Variants in GPR149 observed in about 807,000 individuals in gnomAD.
GPR149 encodes the protein probable G protein-coupled receptor 149.
A neutral mutation model predicts 50.2 loss-of-function variants in GPR149; 50 were observed. That is an observed-to-expected ratio of 1.00 (90% CI 0.79 to 1.26). GPR149 has a LOEUF of 1.26. GPR149 is among the 50% of genes most tolerant of loss of function. The pLI is 0.00. For synonymous variants in GPR149, 405 were observed against 358.2 expected (o/e 1.13, Z -1.48); for missense variants, 983 against 895.4 (o/e 1.10, Z -1.25).
chr3:154,389,340 G>A (rs1372188514), intron 3 of GPR149, among the ~76,000 whole-genome samples: 1 of 152,106 alleles, frequency 6.6e-6, no homozygotes, highest in Non-Finnish European at 1.5e-5. Context: ...AGAGAGACAA[G>A]GACACCCTCT....
chr3:154,391,301 C>T (rs527758092), intron 3 of GPR149, among the ~76,000 whole-genome samples: 3 of 146,308 alleles, frequency 2.1e-5, no homozygotes, highest in East Asian at 2.0e-4. Context: ...AAGAACATAA[C>T]GTGTGTGGGG....
At chr3:154,353,941 T>G in intron 3 of GPR149, 1 of 506,798 alleles carries the variant, frequency 2.0e-6, no homozygotes, top group African/African-American at 2.0e-5. Context: ...TCTGTTCACA[T>G]GTTAAGGTCT....
At chr3:154,347,221 A>G (rs1328828943) in intron 3 of GPR149, among the ~76,000 whole-genome samples, 2 of 152,192 alleles carry the variant, frequency 1.3e-5, no homozygotes, top group Non-Finnish European at 2.9e-5. Context: ...CCATGCTGCT[A>G]ATAAAGACAC....
At chr3:154,393,723 C>T (rs1279946690) in intron 3 of GPR149, among the ~76,000 whole-genome samples, 3 of 151,840 alleles carry the variant, frequency 2.0e-5, no homozygotes, top group East Asian at 3.9e-4. Flanking sequence ...CTCAGTAATA[C>T]AGCAGGATAC....
At chr3:154,384,376 T>G (rs1715002175) in intron 3 of GPR149, among the ~76,000 whole-genome samples, 1 of 152,168 alleles carries the variant, frequency 6.6e-6, no homozygotes, top group African/African-American at 2.4e-5. Flanking sequence ...ATAATCAAGG[T>G]ACATACCTCT....
intron 3 of GPR149, among the ~76,000 whole-genome samples, chr3:154,362,341 A>T (rs1198908743): frequency 6.6e-6 from 1 of 151,686 alleles, no homozygotes; most frequent in East Asian, 1.9e-4. Flanking sequence ...TGGAGCAAAC[A>T]CTTTCTTGGT....
At chr3:154,378,808 G>A (rs1221570245) in intron 3 of GPR149, among the ~76,000 whole-genome samples, 1 of 152,116 alleles carries the variant, frequency 6.6e-6, no homozygotes, top group African/African-American at 2.4e-5. Context: ...TTTGTCTAAT[G>A]ATTTTGAGGA....
At chr3:154,414,325 AT>A (rs1342482939) in intron 3 of GPR149, among the ~76,000 whole-genome samples, 1 of 152,062 alleles carries the variant, frequency 6.6e-6, no homozygotes, top group African/African-American at 2.4e-5. Flanking sequence ...AAACAAAAAA[AT>A]AAATAAAATG....
In GPR149 at chr3:154,429,458, TA is replaced by T; in HGVS notation, c.157del (p.Tyr53IlefsTer3). 6.2e-7 allele frequency: 1 copy of T among 1,614,078 alleles called. No homozygotes were observed. The highest frequency in any genetic ancestry group is 8.5e-7 in the Non-Finnish European group (1 of 1,180,012). ...MTFAALVGSIYSLISLLKMQN... is the reference protein window; with the variant it reads ...MTFAALVGSIXSLISLLKMQN... Reference sequence around the variant, plus strand: ...CATTTTCAGCAGGGAAATTAGTGAATAAATGCTGCCCACCAAGGCTGCAAAA... The same window carrying T: ...CATTTTCAGCAGGGAAATTAGTGAATAATGCTGCCCACCAAGGCTGCAAAA... On this transcript the variant is annotated frameshift_variant, in exon 1 of 4. Coordinates refer to ENST00000389740, the MANE Select transcript of GPR149 (RefSeq NM_001038705.3). LOFTEE classifies it high-confidence loss of function.
chr3:154,403,320 C>T (rs756050414), intron 3 of GPR149, among the ~76,000 whole-genome samples: 11 of 152,250 alleles, frequency 7.2e-5, no homozygotes, highest in Middle Eastern at 6.8e-3. Context: ...AGAGATAAGA[C>T]ATAATTGGGT....
intron 3 of GPR149, among the ~76,000 whole-genome samples, chr3:154,417,037 T>C (rs1263754537): frequency 6.6e-6 from 1 of 151,694 alleles, no homozygotes; most frequent in Non-Finnish European, 1.5e-5. Context: ...GAAAATAGAG[T>C]GATCACCCAC....
chr3:154,396,773 G>A (rs1308384338), intron 3 of GPR149, among the ~76,000 whole-genome samples: 2 of 151,762 alleles, frequency 1.3e-5, no homozygotes, highest in Non-Finnish European at 2.9e-5. Flanking sequence ...TAACACTTTA[G>A]CTCTTCATGA....
intron 3 of GPR149, among the ~76,000 whole-genome samples, chr3:154,343,536 GGT>G (rs930566335): frequency 2.6e-5 from 4 of 152,026 alleles, no homozygotes; most frequent in African/African-American, 9.7e-5. Flanking sequence ...TATGTGTTGG[GGT>G]TTGTTCTATT....
chr3:154,357,617 G>T (rs1423885567), intron 3 of GPR149, among the ~76,000 whole-genome samples: 1 of 152,070 alleles, frequency 6.6e-6, no homozygotes, highest in Non-Finnish European at 1.5e-5. Context: ...TTAGAATGGC[G>T]ATCATTAAAA....
In GPR149 at chr3:154,356,846, G is replaced by T. The variant is rs940633933; in HGVS notation, c.1624-18575C>A. ...GAAAAAACTACTTTAAAGTTCATAT[G>T]GAACCAAAAAAGGGCCCGCATCGCC... On this transcript the variant is annotated intron_variant, in intron 3 of 3. Coordinates refer to ENST00000389740, the MANE Select transcript of GPR149 (RefSeq NM_001038705.3). Among the ~76,000 whole-genome samples, 4 of 152,140 alleles carry T rather than the reference G, an allele frequency of 2.6e-5. No individual in the cohort carries two copies. In the East Asian group the frequency reaches 5.8e-4, roughly 22 times the overall value.
intron 3 of GPR149, chr3:154,353,670 TC>T: frequency 7.4e-7 from 1 of 1,357,076 alleles, no homozygotes; most frequent in Admixed American, 1.7e-5. Context: ...GTTTGCCAGT[TC>T]CCTTGCTGGA....
At chr3:154,426,198 G>C (rs987143185) in intron 2 of GPR149, among the ~76,000 whole-genome samples, 1 of 152,034 alleles carries the variant, frequency 6.6e-6, no homozygotes, top group Non-Finnish European at 1.5e-5. Flanking sequence ...AAGTTCTAAG[G>C]TTATTTTAAA....
At chr3:154,426,025 T>C (rs930473924) in intron 2 of GPR149, among the ~76,000 whole-genome samples, 2 of 152,172 alleles carry the variant, frequency 1.3e-5, no homozygotes, top group African/African-American at 4.8e-5. Context: ...TTCACTAGTT[T>C]AGTGGCAAAA....
chr3:154,352,553 C>T, intron 3 of GPR149: 7 of 775,224 alleles, frequency 9.0e-6, no homozygotes, highest in Non-Finnish European at 1.4e-5. Context: ...AGGTGACATC[C>T]TGTATTTCCT....
Sources: allele counts gnomAD v4.1 joint callset (sites outside exome capture counted in the v4.1 genomes callset), GRCh38; gene constraint gnomAD v4.1.1; transcripts MANE v1.5; gene names NCBI Gene and HGNC (gene_info 2026-07-23, HGNC 2026-07-21).